Variants in CHRNB3 observed in about 807,000 individuals in gnomAD.
CHRNB3 encodes neuronal acetylcholine receptor subunit beta-3.
Under a neutral mutation model 40.6 loss-of-function variants are expected in CHRNB3, and 37 were observed. The observed-to-expected ratio is 0.91, with a 90% CI of 0.70 to 1.20. The LOEUF is 1.20. CHRNB3 is among the 50% of genes most tolerant of loss of function. The pLI, the probability that CHRNB3 is intolerant of heterozygous loss-of-function variation, is 0.00. For missense variants in CHRNB3, 505 were observed against 551.2 expected, an observed-to-expected ratio of 0.92 and a Z score of 0.84; for synonymous variants, 207 against 207.1, an observed-to-expected ratio of 1.00 and a Z score of 0.00.
intron 3 of CHRNB3, among the ~76,000 whole-genome samples, chr8:42,716,823 A>G (rs1373304960): frequency 6.6e-6 from 1 of 152,006 alleles, no homozygotes; most frequent in African/African-American, 2.4e-5. Context: ...TAAGGCCCTG[A>G]GCTGGGCGCT....
chr8:42,707,923 G>C (rs1332505487), intron 1 of CHRNB3, among the ~76,000 whole-genome samples: 1 of 152,184 alleles, frequency 6.6e-6, no homozygotes, highest in Non-Finnish European at 1.5e-5. Context: ...CAAATATAAC[G>C]CCCATTGCTC....
intron 4 of CHRNB3, among the ~76,000 whole-genome samples, chr8:42,731,102 G>T (rs1168294182): frequency 6.6e-6 from 1 of 151,436 alleles, no homozygotes; most frequent in Middle Eastern, 3.4e-3. Flanking sequence ...AAAATAAAAA[G>T]TGAAAAAAAG....
intron 1 of CHRNB3, among the ~76,000 whole-genome samples, chr8:42,701,184 C>T (rs62516740): frequency 0.033 from 4,687 of 141,228 alleles, 121 homozygotes; most frequent in Middle Eastern, 0.12. Context: ...GCCGAGATCA[C>T]GCCACTGCAC....
intron 3 of CHRNB3, among the ~76,000 whole-genome samples, chr8:42,726,787 G>A (rs1336223851): frequency 6.6e-6 from 1 of 152,098 alleles, no homozygotes; most frequent in Non-Finnish European, 1.5e-5. Context: ...ACTGCCCCTG[G>A]CCTATTTAGG....
chr8:42,718,954 G>A (rs2128907002), intron 3 of CHRNB3, among the ~76,000 whole-genome samples: 1 of 152,050 alleles, frequency 6.6e-6, no homozygotes, highest in East Asian at 1.9e-4. Context: ...TTTGATATTT[G>A]GCTCTGACAT....
intron 3 of CHRNB3, among the ~76,000 whole-genome samples, chr8:42,730,170 T>C (rs1487530773): frequency 6.6e-6 from 1 of 152,124 alleles, no homozygotes; most frequent in African/African-American, 2.4e-5. Flanking sequence ...GCCTCTTGAG[T>C]GGTGTTTAAA....
At chr8:42,721,098 T>A (rs1429847524) in intron 3 of CHRNB3, among the ~76,000 whole-genome samples, 1 of 152,246 alleles carries the variant, frequency 6.6e-6, no homozygotes, top group African/African-American at 2.4e-5. Flanking sequence ...TCTGTGCCTG[T>A]CCCCAGTGCT....
intron 3 of CHRNB3, among the ~76,000 whole-genome samples, chr8:42,729,036 G>A (rs1415097295): frequency 6.6e-6 from 1 of 152,046 alleles, no homozygotes; most frequent in Non-Finnish European, 1.5e-5. Flanking sequence ...AGAAGCCCAT[G>A]AGCACCAAGT....
intron 3 of CHRNB3, chr8:42,721,882 GGGCAGGTCTGAGA>G (rs1290823607): frequency 2.0e-5 from 3 of 152,200 alleles, no homozygotes; most frequent in African/African-American, 7.2e-5. Flanking sequence ...AAATCACAGT[GGGCAGGTCTGAGA>G]GGCAGGCCTG....
intron 3 of CHRNB3, among the ~76,000 whole-genome samples, chr8:42,715,625 T>C (rs532913720): frequency 5.3e-5 from 8 of 151,596 alleles, no homozygotes; most frequent in African/African-American, 1.9e-4. Context: ...TCAATTCTCC[T>C]GTCTTATCCT....
chr8:42,701,023 G>A (rs1398571167), intron 1 of CHRNB3, among the ~76,000 whole-genome samples: 2 of 151,650 alleles, frequency 1.3e-5, no homozygotes, highest in East Asian at 3.9e-4. Flanking sequence ...AAGTCAGGAG[G>A]TGGAGACCAT....
chr8:42,724,182 G>A (rs1316540880), intron 3 of CHRNB3, among the ~76,000 whole-genome samples: 2 of 152,018 alleles, frequency 1.3e-5, no homozygotes, highest in African/African-American at 4.8e-5. Context: ...AGATCACCTG[G>A]TCAGGAGTTC....
chr8:42,724,681 A>G (rs1196539886), intron 3 of CHRNB3, among the ~76,000 whole-genome samples: 1 of 152,074 alleles, frequency 6.6e-6, no homozygotes, highest in African/African-American at 2.4e-5. Context: ...CAGCCAATGT[A>G]GAAAACGCTG....
intron 1 of CHRNB3, among the ~76,000 whole-genome samples, chr8:42,698,481 T>C (rs537879014): frequency 2.6e-5 from 4 of 152,314 alleles, no homozygotes; most frequent in East Asian, 3.9e-4. Flanking sequence ...AATGGAGAAC[T>C]GGAGACACTA....
intron 4 of CHRNB3, among the ~76,000 whole-genome samples, chr8:42,731,202 A>C (rs1258758601): frequency 6.6e-6 from 1 of 152,180 alleles, no homozygotes; most frequent in Non-Finnish European, 1.5e-5. Context: ...TAAAAGAAAT[A>C]TTCAATTTTA....
rs1206684256 is a variant in CHRNB3, at chr8:42,697,610, T to A, written c.52+12T>A. On this transcript the variant is annotated intron_variant, in intron 1 of 5. Transcript: ENST00000289957. ...CATCCCTTCCTCAGGTAAGCACAAG[T>A]CACAGTAAATTAAAACTACAGTTGC... The A allele has an allele frequency of 2.5e-6, 4 of 1,606,852 alleles. No homozygotes were observed. The highest frequency in any genetic ancestry group is 2.6e-6 in the Non-Finnish European group (3 of 1,173,632).
intron 5 of CHRNB3, among the ~76,000 whole-genome samples, chr8:42,733,229 A>G (rs939105070): frequency 2.0e-5 from 3 of 151,956 alleles, no homozygotes; most frequent in Admixed American, 2.0e-4. Flanking sequence ...TGGGAGGCTG[A>G]GGCAGGAGGA....
intron 1 of CHRNB3, among the ~76,000 whole-genome samples, chr8:42,707,035 A>G (rs187020726): frequency 6.6e-6 from 1 of 152,358 alleles, no homozygotes; most frequent in East Asian, 1.9e-4. Flanking sequence ...CTAGGATTAC[A>G]GGTGTGAGCC....
intron 1 of CHRNB3, among the ~76,000 whole-genome samples, chr8:42,701,160 G>A (rs369648192): frequency 9.6e-5 from 14 of 146,572 alleles, no homozygotes; most frequent in African/African-American, 1.5e-4. Flanking sequence ...CCAGGGAGTC[G>A]GAGGTTGCAG....
Sources: allele counts gnomAD v4.1 joint callset (sites outside exome capture counted in the v4.1 genomes callset), GRCh38; gene constraint gnomAD v4.1.1; transcripts MANE v1.5; gene names NCBI Gene and HGNC (gene_info 2026-07-23, HGNC 2026-07-21).